The following NSG1 variants were observed in gnomAD, a reference collection of about 807,000 sequenced individuals.
NSG1 encodes the protein neuronal vesicle trafficking-associated protein 1.
Under a neutral mutation model 19.3 loss-of-function variants are expected in NSG1, and 9 were observed. That is an observed-to-expected ratio of 0.47 (90% CI 0.28 to 0.81). The LOEUF is 0.81. Among genes scored for constraint, NSG1 ranks in the 40% least tolerant of loss-of-function variants. NSG1 has a pLI of 0.11. For synonymous variants in NSG1, 104 were observed against 107.0 expected (o/e 0.97, Z 0.17); for missense variants, 236 against 242.4 (o/e 0.97, Z 0.18).
At chr4:4,405,311 T>A (rs1178107438) in intron 3 of NSG1, among the ~76,000 whole-genome samples, 1 of 152,224 alleles carries the variant, frequency 6.6e-6, no homozygotes, top group Non-Finnish European at 1.5e-5. Flanking sequence ...TTTGGTTGGA[T>A]TAGGGCCCAC....
chr4:4,386,891 C>T (rs1252241543), upstream of NSG1: 2 of 152,006 alleles, frequency 1.3e-5, no homozygotes, highest in Non-Finnish European at 2.9e-5. Flanking sequence ...GCGCGTGGTC[C>T]CAGGGGAGGC....
intron 3 of NSG1, among the ~76,000 whole-genome samples, chr4:4,401,931 T>C (rs1723566612): frequency 2.0e-5 from 3 of 151,856 alleles, no homozygotes; most frequent in African/African-American, 4.8e-5. Flanking sequence ...CCCAGGCTGG[T>C]GTGTAGTGGC....
chr4:4,409,677 C>T lies in NSG1; in HGVS notation c.351C>T (p.Val117=), dbSNP rs760161296. 2 of 1,613,562 alleles carry T rather than the reference C, an allele frequency of 1.2e-6. No homozygotes were observed. The highest frequency in any genetic ancestry group is 2.2e-5 in the South Asian group (2 of 91,064). The change falls in exon 4 of 5, where the codon GTC becomes GTT. Residue 117 remains valine (V), a synonymous_variant. Transcript: ENST00000621129. The part of the protein sequence containing the change: ...KYDRACPDGF[V]LKNTQCIPEG... ...ACCGCGCCTGCCCCGATGGGTTCGT[C>T]CTCAAGGTAAAACTCCGTTTTCCCC...
intron 4 of NSG1, among the ~76,000 whole-genome samples, chr4:4,416,368 A>G (rs1724541996): frequency 1.3e-5 from 2 of 152,174 alleles, no homozygotes; most frequent in South Asian, 4.1e-4. Context: ...CCTTGCAGGT[A>G]TAAAGTATTC....
At chr4:4,401,419 G>A (rs1045071025) in intron 3 of NSG1, among the ~76,000 whole-genome samples, 8 of 152,140 alleles carry the variant, frequency 5.3e-5, no homozygotes, top group African/African-American at 1.7e-4. Context: ...CAGGGTGTGC[G>A]ATGCTGCAGC....
At chr4:4,415,831 C>G in intron 4 of NSG1, 2 of 425,368 alleles carry the variant, frequency 4.7e-6, no homozygotes, top group South Asian at 5.4e-5. Context: ...TGACGAGCAG[C>G]AGATGGAGAG....
At chr4:4,396,660 T>C (rs1209223303) in intron 3 of NSG1, among the ~76,000 whole-genome samples, 1 of 97,430 alleles carries the variant, frequency 1.0e-5, no homozygotes, top group Non-Finnish European at 2.2e-5. Context: ...TTCACATCCC[T>C]AATGACCTTG....
At chr4:4,413,782 G>T (rs985349402) in intron 4 of NSG1, among the ~76,000 whole-genome samples, 1 of 151,978 alleles carries the variant, frequency 6.6e-6, no homozygotes, top group Non-Finnish European at 1.5e-5. Context: ...AGGGAGAGAC[G>T]GGGCAGTGAG....
In NSG1 at chr4:4,409,615, G is replaced by A. The variant is rs939101251; in HGVS notation, c.289G>A (p.Val97Ile). The change falls in exon 4 of 5, where the codon GTC becomes ATC. Residue 97 changes from valine to isoleucine, a missense_variant. Physicochemically the swap from Val to Ile is conservative, Grantham distance 29. Transcript: ENST00000621129. ...VLFALAFLTC[V>I]VFLVVYKVYK... Reference sequence around the variant, plus strand: ...CTTCGCCCTGGCCTTCCTCACCTGCGTCGTCTTCCTGGTTGTCTACAAGGT... The same window carrying A: ...CTTCGCCCTGGCCTTCCTCACCTGCATCGTCTTCCTGGTTGTCTACAAGGT... 3.1e-6 allele frequency: 5 copies of A among 1,614,102 alleles called. No homozygotes were observed. Among genetic ancestry groups the A allele is most frequent in the African/African-American group, 2.7e-5 (2 of 74,992 alleles).
intron 1 of NSG1, 43 bp from the exon 2 acceptor site, chr4:4,387,561 C>CCGGGGTGGGGGGGG: frequency 5.3e-6 from 6 of 1,141,982 alleles, no homozygotes; most frequent in East Asian, 2.7e-5. Flanking sequence ...CGCCCCGCCC[C>CCGGGGTGGGGGGGG]GGGTCTTGCT....
At chr4:4,395,672 G>A (rs1189904476) in intron 3 of NSG1, among the ~76,000 whole-genome samples, 3 of 152,178 alleles carry the variant, frequency 2.0e-5, no homozygotes, top group Non-Finnish European at 4.4e-5. Flanking sequence ...CGAAGCTGTG[G>A]TTGGGACAGA....
rs756542334 is a variant in NSG1 at position 4,417,307 on chromosome 4, TAC to T, written c.434_435del (p.Thr145SerfsTer34). On this transcript the variant is annotated frameshift_variant, in exon 5 of 5. Transcript: ENST00000621129. LOFTEE classifies it high-confidence loss of function. ...EQDSSAREKF[Y>X]TVINHYNLAK... The stretch of plus-strand genomic sequence containing the variant: ...AGACTCCAGTGCCCGGGAGAAATTT[TAC>T]ACAGTCATAAACCACTACAACCTGG... The T allele has an allele frequency of 1.2e-5, 20 of 1,614,164 alleles. No homozygotes were observed. Among genetic ancestry groups the T allele is most frequent in the Middle Eastern group, 1.6e-4 (1 of 6,062 alleles).
chr4:4,399,217 A>C (rs1318725422), intron 3 of NSG1, among the ~76,000 whole-genome samples: 2 of 152,128 alleles, frequency 1.3e-5, no homozygotes, highest in African/African-American at 4.8e-5. Context: ...ATCTCAGCTC[A>C]CTGCAGCCTC....
chr4:4,417,390 G>A lies in NSG1; in HGVS notation c.513G>A (p.Glu171=), dbSNP rs575069082. ...CCTGGATGTCAGTTCTGTCAGAAGA[G>A]AAGCTGTCCGAGCAGGAGACTGAAG... ...VSPWMSVLSE[E]KLSEQETEAA... Residue 171 remains glutamate, a synonymous_variant, in exon 5 of 5, where the codon GAG becomes GAA. Coordinates refer to ENST00000621129, the MANE Select transcript of NSG1 (RefSeq NM_014392.5). 1 of 1,614,216 alleles carries A rather than the reference G, an allele frequency of 6.2e-7. No homozygotes were observed. The highest frequency in any genetic ancestry group is 1.3e-5 in the African/African-American group (1 of 75,050).
At chr4:4,391,966 A>C (rs975819898) in intron 3 of NSG1, among the ~76,000 whole-genome samples, 1 of 152,224 alleles carries the variant, frequency 6.6e-6, no homozygotes, top group Non-Finnish European at 1.5e-5. Context: ...AGCACTGATC[A>C]CATGCCAGAA....
chr4:4,386,629 C>G (rs1722724768), upstream of NSG1: 1 of 153,192 alleles, frequency 6.5e-6, no homozygotes, highest in African/African-American at 2.4e-5. Flanking sequence ...CCTTGAACGT[C>G]CTCAGGACCC....
At chr4:4,411,054 C>T (rs1000310322) in intron 4 of NSG1, among the ~76,000 whole-genome samples, 3 of 152,108 alleles carry the variant, frequency 2.0e-5, no homozygotes, top group Non-Finnish European at 4.4e-5. Context: ...CAGGGTTTCA[C>T]CATGTTGGCT....
At chr4:4,394,811 C>T (rs1256783759) in intron 3 of NSG1, among the ~76,000 whole-genome samples, 2 of 152,334 alleles carry the variant, frequency 1.3e-5, no homozygotes, top group East Asian at 3.9e-4. Flanking sequence ...CCTGGGTCTG[C>T]CCGTGGGTCC....
At chr4:4,395,504 C>T (rs1455711984) in intron 3 of NSG1, among the ~76,000 whole-genome samples, 2 of 152,096 alleles carry the variant, frequency 1.3e-5, no homozygotes, top group Non-Finnish European at 2.9e-5. Flanking sequence ...CACAATGAGG[C>T]GTGTGTGAAG....
Sources: gnomAD v4.1 joint callset for allele counts (sites outside exome capture counted in the v4.1 genomes callset) on GRCh38, gnomAD v4.1.1 for gene constraint, MANE v1.5 for transcripts, NCBI Gene and HGNC (gene_info 2026-07-23, HGNC 2026-07-21) for gene names.